The following POC1A variants were observed in gnomAD, a reference collection of about 807,000 sequenced individuals.
POC1A encodes POC1 centriolar protein A.
In POC1A, 34 loss-of-function variants were observed where a neutral mutation model predicts 47.8. The observed-to-expected ratio is 0.71, with a 90% CI of 0.54 to 0.95. POC1A has a LOEUF of 0.95. Among genes scored for constraint, POC1A ranks in the 40% least tolerant of loss-of-function variants. The pLI is 0.00. For missense variants in POC1A, 466 were observed against 528.3 expected (o/e 0.88, Z 1.16); for synonymous variants, 177 against 207.6 (o/e 0.85, Z 1.27).
At chr3:52,099,194 C>T (rs905489287) in intron 9 of POC1A, among the ~76,000 whole-genome samples, 1 of 152,106 alleles carries the variant, frequency 6.6e-6, no homozygotes, top group African/African-American at 2.4e-5. Context: ...ACACTCAACA[C>T]CTCAAAGAGC....
chr3:52,092,616 A>G (rs1230618103), intron 10 of POC1A, among the ~76,000 whole-genome samples: 1 of 152,194 alleles, frequency 6.6e-6, no homozygotes, highest in Non-Finnish European at 1.5e-5. Flanking sequence ...GATGAAAACT[A>G]TGATGAGTAT....
Position 52,147,331 on chromosome 3 carries a change from CTTAAA to C in POC1A, c.456-241_456-237del, listed in dbSNP as rs1698401352. ...GTTACTTCTGTTTATTTGGTCATAT[CTTAAA>C]TTATACTTTGTTTCTGAAAATAGTT... On this transcript the variant is annotated intron_variant, in intron 4 of 10. Coordinates refer to ENST00000296484, the MANE Select transcript of POC1A (RefSeq NM_015426.5). 4.6e-5 allele frequency among the ~76,000 whole-genome samples: 7 copies of C among 152,054 alleles called. No homozygotes were observed. In the South Asian group the frequency reaches 1.5e-3, roughly 32 times the overall value.
At chr3:52,122,337 C>A (rs757937085) in intron 9 of POC1A, 42 bp downstream of exon 9, 2 of 1,167,196 alleles carry the variant, frequency 1.7e-6, no homozygotes, top group Non-Finnish European at 2.6e-6. Context: ...ACCTAGCCCA[C>A]CAGAGTCACA....
At chr3:52,091,723 T>TG (rs749861092) in intron 10 of POC1A, among the ~76,000 whole-genome samples, 19 of 152,238 alleles carry the variant, frequency 1.2e-4, no homozygotes, top group Non-Finnish European at 2.1e-4. Context: ...CTGTCATTCC[T>TG]GTGCCACAAG....
intron 7 of POC1A, among the ~76,000 whole-genome samples, chr3:52,132,609 AG>A (rs1223537336): frequency 6.6e-6 from 1 of 152,174 alleles, no homozygotes; most frequent in Non-Finnish European, 1.5e-5. Context: ...TGAGAGGCAG[AG>A]GGCCCTTTAT....
chr3:52,076,855 C>G (rs890860848), intron 10 of POC1A, among the ~76,000 whole-genome samples: 3 of 152,262 alleles, frequency 2.0e-5, no homozygotes, highest in African/African-American at 7.2e-5. Context: ...CTGCCAAAGG[C>G]CCCCAGCTGC....
intron 9 of POC1A, among the ~76,000 whole-genome samples, chr3:52,114,550 G>A (rs1703494418): frequency 1.3e-5 from 2 of 152,300 alleles, no homozygotes; most frequent in South Asian, 4.1e-4. Context: ...TTCCCACTGA[G>A]AAATGAGGAG....
In POC1A at chr3:52,096,702, T is replaced by A. The variant is rs1161516956; in HGVS notation, c.992A>T (p.Asp331Val). Residue 331 changes from aspartate (D) to valine (V), a missense_variant, in exon 10 of 11, where the codon GAC (aspartate) becomes GTC (valine). Asp to Val is a radical substitution (Grantham distance 152). Transcript: ENST00000296484. ...ASSMGNLPEV[D>V]FPVPPGRGRS... ...GCCTCTGCCTGGGGGGACAGGGAAG[T>A]CCACTTCTGGCTAAAGACAGAAAGA... is the stretch of plus-strand genomic sequence containing the variant. 6.3e-7 allele frequency: 1 copy of A among 1,588,098 alleles called. No individual in the cohort carries two copies. Among genetic ancestry groups the A allele is most frequent in the African/African-American group, 1.4e-5 (1 of 72,932 alleles).
intron 9 of POC1A, among the ~76,000 whole-genome samples, chr3:52,114,572 C>T (rs1703495256): frequency 6.6e-6 from 1 of 152,192 alleles, no homozygotes. Context: ...CTCCCCCTTG[C>T]TCTTTTCCAG....
chr3:52,143,423 C>A (rs925317809), intron 6 of POC1A, among the ~76,000 whole-genome samples: 1 of 152,140 alleles, frequency 6.6e-6, no homozygotes, highest in African/African-American at 2.4e-5. Flanking sequence ...CTCCTGACAA[C>A]CCTCTTCACA....
chr3:52,124,617 G>T (rs1029976632), intron 8 of POC1A, among the ~76,000 whole-genome samples: 1 of 152,208 alleles, frequency 6.6e-6, no homozygotes, highest in Non-Finnish European at 1.5e-5. Context: ...ACCTGCCCCA[G>T]CTCTAGCATC....
chr3:52,088,592 T>C (rs1702539534), intron 10 of POC1A, among the ~76,000 whole-genome samples: 1 of 152,062 alleles, frequency 6.6e-6, no homozygotes, highest in Non-Finnish European at 1.5e-5. Flanking sequence ...CGGGGTCAGC[T>C]GTGATGAAGT....
At chr3:52,096,861 C>T (rs1702834339) in intron 9 of POC1A, 149 bp from the exon 10 acceptor site, 8 of 684,270 alleles carry the variant, frequency 1.2e-5, no homozygotes, top group South Asian at 4.2e-5. Flanking sequence ...AGCAGCGTGG[C>T]GGTGTTCCCA....
chr3:52,078,005 G>A (rs1689906401), intron 10 of POC1A, among the ~76,000 whole-genome samples: 1 of 152,138 alleles, frequency 6.6e-6, no homozygotes, highest in African/African-American at 2.4e-5. Flanking sequence ...TTCACAACCA[G>A]CCCCCTGCAT....
intron 6 of POC1A, among the ~76,000 whole-genome samples, chr3:52,139,265 C>T (rs1698098214): frequency 6.6e-6 from 1 of 152,178 alleles, no homozygotes; most frequent in South Asian, 2.1e-4. Context: ...CCAATGCCAA[C>T]ATGGATGTTC....
chr3:52,153,708 G>A (rs1408931025), intron 1 of POC1A, among the ~76,000 whole-genome samples: 1 of 152,226 alleles, frequency 6.6e-6, no homozygotes, highest in African/African-American at 2.4e-5. Context: ...TTATACATGA[G>A]GGGACAGGAA....
chr3:52,149,536 C>G, intron 3 of POC1A, 147 bp from the exon 4 acceptor site: 1 of 717,074 alleles, frequency 1.4e-6, no homozygotes. Context: ...AAAGCCAGAG[C>G]CTCTCCTATA....
chr3:52,135,511 G>A (rs183844247), intron 7 of POC1A, among the ~76,000 whole-genome samples: 11 of 152,214 alleles, frequency 7.2e-5, no homozygotes, highest in African/African-American at 2.2e-4. Flanking sequence ...AGCCTCCCCC[G>A]AAAGTGCTGG....
At chr3:52,087,445 C>T (rs972598754) in intron 10 of POC1A, among the ~76,000 whole-genome samples, 2 of 152,194 alleles carry the variant, frequency 1.3e-5, no homozygotes, top group Non-Finnish European at 2.9e-5. Flanking sequence ...CTGCAAACAA[C>T]AGAAAATGAG....
Sources: gnomAD v4.1 joint callset for allele counts (sites outside exome capture counted in the v4.1 genomes callset) on GRCh38, gnomAD v4.1.1 for gene constraint, MANE v1.5 for transcripts, NCBI Gene and HGNC (gene_info 2026-07-23, HGNC 2026-07-21) for gene names.